STK24: variants seen among roughly 807,000 people sequenced by gnomAD.
STK24 encodes the protein serine/threonine kinase 24.
STK24 carries 21 observed loss-of-function variants against 55.6 expected under a neutral mutation model. The observed-to-expected ratio is 0.38, with a 90% CI of 0.27 to 0.54. The LOEUF is 0.54. Among genes scored for constraint, STK24 ranks in the 20% least tolerant of loss-of-function variants. STK24 has a pLI of 0.79. For missense variants in STK24, 383 were observed against 538.4 expected (o/e 0.71, Z 2.86); for synonymous variants, 200 against 215.2 (o/e 0.93, Z 0.62).
intron 1 of STK24, among the ~76,000 whole-genome samples, chr13:98,529,187 C>T (rs972225000): frequency 6.6e-6 from 1 of 152,146 alleles, no homozygotes; most frequent in Non-Finnish European, 1.5e-5. Context: ...GGCCCCCCAC[C>T]ACGTGTTTCA....
intron 2 of STK24, among the ~76,000 whole-genome samples, chr13:98,505,874 A>G (rs1051403282): frequency 1.3e-4 from 20 of 152,250 alleles, no homozygotes; most frequent in African/African-American, 4.3e-4. Flanking sequence ...TTGTCACTAC[A>G]GAAATGTGAA....
rs574099525 is a variant in STK24 at position 98,446,764 on chromosome 13, C to T, written c.*6409G>A. On this transcript the variant is annotated 3_prime_UTR_variant, in exon 11 of 11. Coordinates refer to ENST00000539966, the MANE Select transcript of STK24 (RefSeq NM_001032296.4). ...AGAAAGACTACGTGTTCAAGCTGCA[C>T]TTCAAGTCCCACGTCTACTACTTCA... The T allele has an allele frequency of 1.2e-6, 2 of 1,614,206 alleles. No homozygotes were observed. The highest frequency in any genetic ancestry group is 3.3e-5 in the Admixed American group (2 of 60,032).
chr13:98,500,695 C>G (rs1895423903), intron 2 of STK24, among the ~76,000 whole-genome samples: 1 of 150,928 alleles, frequency 6.6e-6, no homozygotes, highest in Non-Finnish European at 1.5e-5. Context: ...CCTCCCACAC[C>G]TCGCCCCTTC....
At chr13:98,559,787 A>C (rs543193017) in intron 1 of STK24, among the ~76,000 whole-genome samples, 3 of 152,300 alleles carry the variant, frequency 2.0e-5, no homozygotes, top group Admixed American at 2.0e-4. Flanking sequence ...AAAGAGAAAA[A>C]GCAAATGAGT....
In STK24 at chr13:98,451,524, C is replaced by A. The variant is rs1470938989; in HGVS notation, c.*1649G>T. ...TCAATTTTAGAGCTTAAAAACCAGA[C>A]TGCACTAGCAAACCGACACAATAAC... On this transcript the variant is annotated 3_prime_UTR_variant, in exon 11 of 11. Transcript: ENST00000539966. 2.0e-5 allele frequency: 3 copies of A among 152,152 alleles called. No individual in the cohort carries two copies. Among genetic ancestry groups the A allele is most frequent in the Non-Finnish European group, 2.9e-5 (2 of 68,036 alleles). 9.4% of individuals were successfully genotyped at this position (152,152 alleles called of 1,614,324 possible).
At chr13:98,538,693 T>C (rs1290437404) in intron 1 of STK24, among the ~76,000 whole-genome samples, 3 of 152,080 alleles carry the variant, frequency 2.0e-5, no homozygotes, top group African/African-American at 7.2e-5. Context: ...CACACATGCA[T>C]GCACACACCT....
chr13:98,509,674 T>C (rs979325495), intron 2 of STK24, among the ~76,000 whole-genome samples: 19 of 152,204 alleles, frequency 1.2e-4, no homozygotes, highest in African/African-American at 4.6e-4. Flanking sequence ...AAGGCCCAGC[T>C]CGCTGGCCAA....
At chr13:98,453,323 A>G (rs1271826670) in intron 10 of STK24, 114 bp from the exon 11 acceptor site, 1 of 1,060,536 alleles carries the variant, frequency 9.4e-7, no homozygotes, top group South Asian at 1.4e-5. Context: ...TCATACAAAA[A>G]TAAGTGGAGC....
At chr13:98,459,889 G>C (rs1366231094) in intron 9 of STK24, among the ~76,000 whole-genome samples, 2 of 152,232 alleles carry the variant, frequency 1.3e-5, no homozygotes, top group African/African-American at 4.8e-5. Context: ...CTCTGGGAGG[G>C]AGAGGCTGAG....
At chr13:98,506,542 A>G (rs1895686437) in intron 2 of STK24, among the ~76,000 whole-genome samples, 1 of 152,224 alleles carries the variant, frequency 6.6e-6, no homozygotes, top group Non-Finnish European at 1.5e-5. Context: ...CCGAGCTCAC[A>G]GGGCAATGTC....
At chr13:98,503,439 G>A (rs1594618599) in intron 2 of STK24, among the ~76,000 whole-genome samples, 2 of 152,356 alleles carry the variant, frequency 1.3e-5, no homozygotes, top group African/African-American at 4.8e-5. Flanking sequence ...GTGACCTTGA[G>A]TTTATGACCT....
chr13:98,537,975 C>T (rs775349211), intron 1 of STK24, among the ~76,000 whole-genome samples: 3 of 152,016 alleles, frequency 2.0e-5, no homozygotes, highest in African/African-American at 7.2e-5. Context: ...CTGCTCCGCT[C>T]GGGGTGCAGC....
chr13:98,563,266 A>G (rs1897475926), intron 1 of STK24, among the ~76,000 whole-genome samples: 1 of 152,250 alleles, frequency 6.6e-6, no homozygotes, highest in African/African-American at 2.4e-5. Context: ...CGATGCTATT[A>G]GATGGCACAC....
At chr13:98,491,059 T>C (rs1028406754) in intron 2 of STK24, among the ~76,000 whole-genome samples, 2 of 152,152 alleles carry the variant, frequency 1.3e-5, no homozygotes, top group African/African-American at 4.8e-5. Context: ...CTGGTTGTCC[T>C]TCCCTTTCAG....
chr13:98,559,660 A>G (rs1218538230), intron 1 of STK24, among the ~76,000 whole-genome samples: 1 of 151,926 alleles, frequency 6.6e-6, no homozygotes, highest in Non-Finnish European at 1.5e-5. Flanking sequence ...ACAAAGCCTG[A>G]CAACACTCCC....
chr13:98,465,704 G>T (rs1282696779), intron 6 of STK24, among the ~76,000 whole-genome samples: 1 of 152,344 alleles, frequency 6.6e-6, no homozygotes, highest in Non-Finnish European at 1.5e-5. Context: ...TAAGAAAAGG[G>T]GGGCTCAGCT....
At position 98,450,831 on chromosome 13, in the gene STK24, G is replaced by A. The variant is rs1164798698; in HGVS notation, c.*2342C>T. ...TGGCGACACAAAAGCCAGCTTCCTT[G>A]GCTAAGATGCCCTTAAAAACATTGG... On this transcript the variant is annotated 3_prime_UTR_variant, in exon 11 of 11. Transcript: ENST00000539966. The A allele has an allele frequency of 6.6e-6, 1 of 152,246 alleles. No individual in the cohort carries two copies. The highest frequency in any genetic ancestry group is 1.5e-5 in the Non-Finnish European group (1 of 68,062). The allele number at this position is 152,246 out of a possible 1,614,324, so 9.4% of individuals were successfully genotyped here.
intron 2 of STK24, among the ~76,000 whole-genome samples, chr13:98,517,963 G>A (rs1896125787): frequency 6.6e-6 from 1 of 152,116 alleles, no homozygotes; most frequent in Admixed American, 6.5e-5. Context: ...TTTAATCTTT[G>A]TAACATATGA....
intron 1 of STK24, among the ~76,000 whole-genome samples, chr13:98,572,955 A>C (rs1897780579): frequency 1.3e-5 from 2 of 152,190 alleles, no homozygotes; most frequent in African/African-American, 2.4e-5. Context: ...AGCACATCAC[A>C]AGCACAGGCT....
Sources: gnomAD v4.1 joint callset for allele counts (sites outside exome capture counted in the v4.1 genomes callset) on GRCh38, gnomAD v4.1.1 for gene constraint, MANE v1.5 for transcripts, NCBI Gene and HGNC (gene_info 2026-07-23, HGNC 2026-07-21) for gene names.